Variants in RYR1 observed in about 807,000 individuals in gnomAD.
The protein encoded by RYR1 is ryanodine receptor 1, also known as central core disease of muscle.
In RYR1, 342 loss-of-function variants were observed where a neutral mutation model predicts 583.5. That is an observed-to-expected ratio of 0.59 (90% confidence interval 0.54 to 0.64). RYR1 has a LOEUF of 0.64. Among genes scored for constraint, RYR1 ranks in the 30% least tolerant of loss-of-function variants. RYR1 has a pLI of 0.00. For synonymous variants in RYR1, 2,791 were observed against 2,822.5 expected (o/e 0.99, Z 0.35); for missense variants, 6,032 against 6,917.2 (o/e 0.87, Z 4.54).
intron 95 of RYR1, 126 bp downstream of exon 95, chr19:38,572,396 G>C: frequency 8.4e-7 from 1 of 1,186,862 alleles, no homozygotes; most frequent in South Asian, 1.4e-5. Context: ...CTAGGGTTGG[G>C]GTGAGGGCTG....
intron 19 of RYR1, 45 bp downstream of exon 19, chr19:38,459,383 C>A: frequency 6.3e-7 from 1 of 1,583,172 alleles, no homozygotes; most frequent in Non-Finnish European, 8.6e-7. Context: ...AGACCTAGGA[C>A]TGACCTGAGA....
At chr19:38,481,079 A>G (rs1968985495) in intron 31 of RYR1, among the ~76,000 whole-genome samples, 1 of 152,042 alleles carries the variant, frequency 6.6e-6, no homozygotes, top group African/African-American at 2.4e-5. Context: ...TTGCTCTGTC[A>G]CCCAGGCTGG....
In RYR1 at chr19:38,458,289, A is replaced by T; in HGVS notation, c.2164A>T (p.Thr722Ser). ...SYGFDGLHLW[T>S]GHVARPVTSP... ...CGGCTTTGATGGACTGCATCTCTGG[A>T]CAGGTACCTGACCCCTTCCAGGGGA... Residue 722 changes from threonine to serine, a missense_variant, in exon 18 of 106, where the codon ACA becomes TCA. By Grantham distance (58) the Thr-to-Ser change is moderately conservative. This residue lies in a region of RYR1 where 2,627 missense variants were observed against 2,961.3 expected (regional missense o/e 0.89). Transcript: ENST00000359596. The T allele has an allele frequency of 6.2e-7, 1 of 1,613,544 alleles. No individual in the cohort carries two copies. The highest frequency in any genetic ancestry group is 1.1e-5 in the South Asian group (1 of 91,078).
chr19:38,555,873 C>CT lies in RYR1; in HGVS notation c.12283-5232dup, dbSNP rs1245540238. On this transcript the variant is annotated intron_variant, in intron 89 of 105. Transcript: ENST00000359596. Reference sequence around the variant, plus strand: ...AATATGTATATTTTTAAATTTTCTTCTTTTTTTTGAGACAGGGTCTCACTC... The same window carrying CT: ...AATATGTATATTTTTAAATTTTCTTCTTTTTTTTTGAGACAGGGTCTCACTC... Among the ~76,000 whole-genome samples, 28 of 151,882 alleles carry CT rather than the reference C, an allele frequency of 1.8e-4. 1 individual carries two copies. The highest frequency in any genetic ancestry group is 7.7e-4 in the East Asian group (4 of 5,168).
intron 16 of RYR1, 114 bp downstream of exon 16, chr19:38,455,865 T>C: frequency 1.4e-6 from 1 of 736,404 alleles, no homozygotes; most frequent in Non-Finnish European, 2.4e-6. Flanking sequence ...ATCTCTCACC[T>C]GTACGCCACT....
At chr19:38,523,774 A>C in intron 69 of RYR1, 141 bp from the exon 70 acceptor site, 2 of 1,076,006 alleles carry the variant, frequency 1.9e-6, no homozygotes, top group Non-Finnish European at 2.8e-6. Flanking sequence ...ACCCCGAGCC[A>C]AGGCCTGGAA....
rs1471778524 is a variant in RYR1, at chr19:38,584,843, T to G, written c.14647-100T>G. ...TTTGAGGGCAGGGCCCAGGGCTGTC[T>G]CAGTCGTTACCATGTCTTCAGCCCT... On this transcript the variant is annotated intron_variant, in intron 101 of 105. Coordinates refer to ENST00000359596, the MANE Select transcript of RYR1 (RefSeq NM_000540.3). 4 of 1,435,568 alleles carry G rather than the reference T, an allele frequency of 2.8e-6. No homozygotes were observed. The Admixed American group carries it at 7.4e-5, about 27-fold the overall frequency. 88.9% of individuals were successfully genotyped at this position (1,435,568 alleles called of 1,614,324 possible). A position where few individuals can be genotyped will look rare whatever the true frequency, so the allele number is the denominator to read the frequency against.
In RYR1 at chr19:38,443,768, C is replaced by T. The variant is rs376494617; in HGVS notation, c.396C>T (p.Phe132=). 99 of 1,613,944 alleles carry T rather than the reference C, an allele frequency of 6.1e-5. No individual in the cohort carries two copies. The highest frequency in any genetic ancestry group is 7.5e-5 in the Non-Finnish European group (88 of 1,180,012). Reference sequence around the variant, plus strand: ...GCTCCATGACTGACAAGCTGGCCTTCGATGTGGGACTGCAGGAGGACGCAA... The same window carrying T: ...GCTCCATGACTGACAAGCTGGCCTTTGATGTGGGACTGCAGGAGGACGCAA... ...TSRSMTDKLA[F]DVGLQEDATG... is the part of the protein sequence containing the mutation. The change falls in exon 5 of 106, where the codon TTC becomes TTT. Residue 132 remains phenylalanine, a synonymous_variant. Transcript: ENST00000359596.
chr19:38,502,751 T>TGGGGCAGGGACAGGGGCAGGGGCA, intron 48 of RYR1, 24 bp downstream of exon 48: 2 of 1,045,444 alleles, frequency 1.9e-6, no homozygotes, highest in Non-Finnish European at 2.7e-6. Context: ...GGCTTCAGGG[T>TGGGGCAGGGACAGGGGCAGGGGCA]GGGGCAGGGG....
In RYR1 at chr19:38,502,572, G is replaced by A. The variant is rs752993876; in HGVS notation, c.7680G>A (p.Pro2560=). ...GCTACCTGTGCCTGGCCGTGCTGCC[G>A]CTCATCACCAAGTGTGCGCCGCTCT... ...LNRYLCLAVL[P]LITKCAPLFA... is the part of the protein sequence containing the mutation. Residue 2560 remains proline, a synonymous_variant, in exon 48 of 106, where the codon CCG becomes CCA. Transcript: ENST00000359596. The A allele has an allele frequency of 1.5e-5, 24 of 1,612,014 alleles. No homozygotes were observed. The highest frequency in any genetic ancestry group is 8.3e-5 in the Admixed American group (5 of 59,966).
At chr19:38,536,240 TC>T (rs1480984089) in intron 82 of RYR1, among the ~76,000 whole-genome samples, 170 bp downstream of exon 82, 2 of 34,490 alleles carry the variant, frequency 5.8e-5, no homozygotes, top group Non-Finnish European at 1.2e-4. Context: ...ACCCCCTCCA[TC>T]CCCCTGGGGT....
chr19:38,567,728 T>C lies in RYR1; in HGVS notation c.13515-45T>C, dbSNP rs1315854910. The C allele has an allele frequency of 1.9e-6, 3 of 1,614,154 alleles. No homozygotes were observed. In the South Asian group the frequency reaches 3.3e-5, roughly 18 times the overall value. ...GTTTTGAATGAATGAACTCATGCATTGCCTGCCCAGGCACCTCCTGACCTC... is the reference window on the plus strand; with the variant it reads ...GTTTTGAATGAATGAACTCATGCATCGCCTGCCCAGGCACCTCCTGACCTC... On this transcript the variant is annotated intron_variant, in intron 92 of 105. Coordinates refer to ENST00000359596, the MANE Select transcript of RYR1 (RefSeq NM_000540.3).
At chr19:38,527,916 A>C in intron 73 of RYR1, 132 bp downstream of exon 73, 1 of 969,502 alleles carries the variant, frequency 1.0e-6, no homozygotes. Flanking sequence ...TGGAGCCTCG[A>C]GTTTAAGGCG....
chr19:38,460,154 G>A (rs960613478), intron 19 of RYR1, among the ~76,000 whole-genome samples: 4 of 152,014 alleles, frequency 2.6e-5, no homozygotes, highest in Non-Finnish European at 5.9e-5. Context: ...AGACCCTCCC[G>A]CTCTCAACTC....
chr19:38,519,851 G>A (rs775114142), intron 67 of RYR1, among the ~76,000 whole-genome samples: 7 of 151,900 alleles, frequency 4.6e-5, no homozygotes, highest in East Asian at 1.9e-4. Flanking sequence ...GCTAAGTTTC[G>A]TATTTTTAGT....
chr19:38,477,939 C>A (rs1282863502), intron 30 of RYR1, 69 bp downstream of exon 30: 19 of 1,475,146 alleles, frequency 1.3e-5, no homozygotes, highest in Non-Finnish European at 1.8e-5. Context: ...GCTCCCGACA[C>A]CAGCTCTGTG....
At chr19:38,525,524 C>T (rs772508244) in intron 71 of RYR1, 22 bp downstream of exon 71, 13 of 1,611,702 alleles carry the variant, frequency 8.1e-6, no homozygotes, top group African/African-American at 5.3e-5. Flanking sequence ...GCCCCGTCCT[C>T]GGAACCTTCC....
In RYR1 at chr19:38,537,295, C is replaced by T. The variant is rs148689362; in HGVS notation, c.11608+528C>T. Among the ~76,000 whole-genome samples, 586 of 152,304 alleles carry T rather than the reference C, an allele frequency of 3.8e-3. 7 individuals are homozygous for T. The highest frequency in any genetic ancestry group is 0.013 in the African/African-American group (559 of 41,562). On this transcript the variant is annotated intron_variant, in intron 83 of 105. Transcript: ENST00000359596. ...TGGCCCATTTGCGGTCTAGCCTCCTCCCCTACCGCCCACCATGATTTGCTT... is the reference window on the plus strand; with the variant it reads ...TGGCCCATTTGCGGTCTAGCCTCCTTCCCTACCGCCCACCATGATTTGCTT...
At position 38,452,992 on chromosome 19, in the gene RYR1, G is replaced by A. The variant is rs538087438; in HGVS notation, c.1418G>A (p.Arg473His). ...AGCAAGCTGCGAAGCCTGCGCAACCGCCAGAGCCTCTTCCAGGAGGAGGTG... is the reference window on the plus strand; with the variant it reads ...AGCAAGCTGCGAAGCCTGCGCAACCACCAGAGCCTCTTCCAGGAGGAGGTG... ...KQSKLRSLRN[R>H]QSLFQEEGML... The change falls in exon 13 of 106, where the codon CGC becomes CAC. Residue 473 changes from arginine to histidine, a missense_variant. By Grantham distance (29) the Arg-to-His change is conservative (BLOSUM62 0). Transcript: ENST00000359596. 4 of 1,613,796 alleles carry A rather than the reference G, an allele frequency of 2.5e-6. No individual in the cohort carries two copies. The highest frequency in any genetic ancestry group is 2.2e-5 in the East Asian group (1 of 44,874).
Sources: gnomAD v4.1 joint callset for allele counts (sites outside exome capture counted in the v4.1 genomes callset) on GRCh38, gnomAD v4.1.1 for gene constraint, gnomAD v4.1.1 regional missense constraint, MANE v1.5 for transcripts, NCBI Gene and HGNC (gene_info 2026-07-23, HGNC 2026-07-21) for gene names.